The following PKP1 variants were observed in gnomAD, a reference collection of about 807,000 sequenced individuals.
The protein encoded by PKP1 is plakophilin-1.
PKP1 carries 27 observed loss-of-function variants against 76.4 expected under a neutral mutation model. That is an observed-to-expected ratio of 0.35 (90% CI 0.26 to 0.49). The LOEUF (loss-of-function observed/expected upper bound fraction) is 0.49, where lower values mean the gene tolerates loss of function less well. PKP1 is among the 20% of genes least tolerant of loss of function. The pLI, the probability that PKP1 is intolerant of heterozygous loss-of-function variation, is 0.99. For synonymous variants in PKP1, 404 were observed against 384.2 expected, an observed-to-expected ratio of 1.05 and a Z score of -0.60; for missense variants, 964 against 955.2, an observed-to-expected ratio of 1.01 and a Z score of -0.12.
chr1:201,284,421 G>A (rs921244423), intron 1 of PKP1, among the ~76,000 whole-genome samples: 1 of 152,236 alleles, frequency 6.6e-6, no homozygotes, highest in Non-Finnish European at 1.5e-5. Context: ...TCCAGGCCAA[G>A]GGGAACCCCA....
At position 201,315,870 on chromosome 1, in the gene PKP1, G is replaced by C. The variant is rs577334934; in HGVS notation, c.702-683G>C. 6.6e-5 allele frequency among the ~76,000 whole-genome samples: 10 copies of C among 152,196 alleles called. No homozygotes were observed. In the South Asian group the frequency reaches 1.9e-3, roughly 29 times the overall value. ...TTAGAACCACTTATCTAGTAAAAAG[G>C]GTATGAAATTTTAGATGGGGGAACT... On this transcript the variant is annotated intron_variant, in intron 3 of 13. Transcript: ENST00000367324.
chr1:201,304,165 G>A (rs949899140), intron 2 of PKP1, among the ~76,000 whole-genome samples: 4 of 152,186 alleles, frequency 2.6e-5, no homozygotes, highest in Non-Finnish European at 4.4e-5. Flanking sequence ...CCACAGTGCT[G>A]GGATCTGAGT....
chr1:201,293,865 A>C (rs769557052), intron 1 of PKP1, 77 bp from the exon 2 acceptor site: 2 of 943,308 alleles, frequency 2.1e-6, no homozygotes, highest in Non-Finnish European at 3.4e-6. Context: ...ACCTGGATGC[A>C]GAAGTGATGC....
rs752689001 is a variant in PKP1, at chr1:201,322,077, G to C, written c.1447G>C (p.Ala483Pro). The C allele has an allele frequency of 6.2e-7, 1 of 1,613,268 alleles. No homozygotes were observed. Among genetic ancestry groups the C allele is most frequent in the African/African-American group, 1.3e-5 (1 of 74,980 alleles). Reference protein sequence around the residue: ...YRQLEYNARNAYTEKSSTGCF... With the variant: ...YRQLEYNARNPYTEKSSTGCF... ...CCAGCTGGAGTATAACGCCCGCAAC[G>C]CCTACACCGAGAAGTCCTCCACTGG... is the stretch of plus-strand genomic sequence containing the variant. Residue 483 changes from alanine (A) to proline (P), a missense_variant, in exon 8 of 14, where the codon GCC becomes CCC. Coordinates refer to ENST00000367324, the MANE Select transcript of PKP1 (RefSeq NM_001005337.3).
rs1370745383 is a variant in PKP1, at chr1:201,332,728, G to A, written c.*2687G>A. The A allele has an allele frequency of 1.3e-5, 2 of 152,248 alleles. No individual in the cohort carries two copies. Among genetic ancestry groups the A allele is most frequent in the African/African-American group, 2.4e-5 (1 of 41,456 alleles). 9.4% of individuals were successfully genotyped at this position (152,248 alleles called of 1,614,324 possible). The stretch of plus-strand genomic sequence containing the variant: ...CACACTCCTCCTGGGGACCCAAGAG[G>A]CAGTGTTGCTGTCTGCATGTCCACC... On this transcript the variant is annotated 3_prime_UTR_variant, in exon 14 of 14. Transcript: ENST00000367324.
At chr1:201,326,409 C>T (rs1410829905) in intron 12 of PKP1, among the ~76,000 whole-genome samples, 1 of 152,246 alleles carries the variant, frequency 6.6e-6, no homozygotes, top group Non-Finnish European at 1.5e-5. Flanking sequence ...CCCTCCCCAG[C>T]TAGCCAGGTA....
At chr1:201,290,222 T>C (rs1655873428) in intron 1 of PKP1, among the ~76,000 whole-genome samples, 1 of 152,126 alleles carries the variant, frequency 6.6e-6, no homozygotes, top group African/African-American at 2.4e-5. Context: ...ACGAGCTATG[T>C]GGACAGAGCA....
At chr1:201,306,023 G>A (rs984252891) in intron 2 of PKP1, among the ~76,000 whole-genome samples, 4 of 152,188 alleles carry the variant, frequency 2.6e-5, no homozygotes, top group African/African-American at 7.2e-5. Flanking sequence ...CCACCACTCG[G>A]GCTGTGAGAG....
Position 201,316,700 on chromosome 1 carries a change from A to G in PKP1, c.846+3A>G. ...AGGATGAATCTGCCAAGCAACAGGT[A>G]GCTGGTTGCATACCTTCCTCCTTGG... On this transcript the variant is annotated splice_donor_region_variant and intron_variant, in intron 4 of 13. Transcript: ENST00000367324. 6.2e-7 allele frequency: 1 copy of G among 1,613,626 alleles called. No homozygotes were observed. The highest frequency in any genetic ancestry group is 8.5e-7 in the Non-Finnish European group (1 of 1,180,014).
At chr1:201,284,520 G>C (rs1280504102) in intron 1 of PKP1, among the ~76,000 whole-genome samples, 1 of 152,182 alleles carries the variant, frequency 6.6e-6, no homozygotes, top group Non-Finnish European at 1.5e-5. Flanking sequence ...GCTGCGGGAC[G>C]GGAAAGTGGC....
chr1:201,325,674 G>T, intron 11 of PKP1, 80 bp from the exon 12 acceptor site: 1 of 1,071,842 alleles, frequency 9.3e-7, no homozygotes, highest in Non-Finnish European at 1.4e-6. Flanking sequence ...GGCCCTGGCA[G>T]TGGGGGTGGG....
intron 2 of PKP1, among the ~76,000 whole-genome samples, chr1:201,299,736 A>G (rs1656170973): frequency 6.6e-6 from 1 of 152,244 alleles, no homozygotes; most frequent in South Asian, 2.1e-4. Context: ...GGATGAAAAG[A>G]TGGTAGGACT....
intron 1 of PKP1, among the ~76,000 whole-genome samples, chr1:201,288,057 CTTATG>C (rs1475042791): frequency 2.0e-5 from 3 of 152,108 alleles, no homozygotes; most frequent in East Asian, 1.9e-4. Flanking sequence ...CATGCACACA[CTTATG>C]TTATGTGTGT....
Position 201,292,725 on chromosome 1 carries a change from G to A in PKP1, c.203-1217G>A, listed in dbSNP as rs112673948. 2.4e-3 allele frequency among the ~76,000 whole-genome samples: 364 copies of A among 152,312 alleles called. 3 individuals are homozygous for A. The highest frequency in any genetic ancestry group is 8.1e-3 in the African/African-American group (337 of 41,556). On this transcript the variant is annotated intron_variant, in intron 1 of 13. Transcript: ENST00000367324. ...TCCCCACAGACAGGGTTTCCGATGG[G>A]GGAGTCTGACCATCGCTTTAGAGAA...
chr1:201,327,798 A>G (rs1329086452), intron 12 of PKP1, among the ~76,000 whole-genome samples: 1 of 151,816 alleles, frequency 6.6e-6, no homozygotes, highest in African/African-American at 2.4e-5. Flanking sequence ...CACATCCATC[A>G]TGCATTGAGT....
rs567250883 is a variant in PKP1, at chr1:201,328,966, A to G, written c.*32+98A>G. On this transcript the variant is annotated intron_variant, in intron 13 of 13. Coordinates refer to ENST00000367324, the MANE Select transcript of PKP1 (RefSeq NM_001005337.3). ...GCTAGGCCTGTGCTCCCAGGGACAC[A>G]GAAGCATCCTTTTGCCTGGCTCTGG... The G allele has an allele frequency of 3.7e-4, 300 of 813,592 alleles. 6 individuals carry two copies. In the South Asian group the frequency reaches 4.0e-3, roughly 11 times the overall value. 50.4% of individuals were successfully genotyped at this position (813,592 alleles called of 1,614,324 possible).
intron 2 of PKP1, among the ~76,000 whole-genome samples, chr1:201,302,215 G>A (rs1656251001): frequency 6.6e-6 from 1 of 152,214 alleles, no homozygotes. Flanking sequence ...GGTGGACCAA[G>A]CTTTGTTATT....
chr1:201,323,693 G>T (rs1340606429), intron 9 of PKP1, among the ~76,000 whole-genome samples: 1 of 152,184 alleles, frequency 6.6e-6, no homozygotes, highest in Non-Finnish European at 1.5e-5. Flanking sequence ...ATCAAGAAGA[G>T]TTGAGATGGG....
intron 1 of PKP1, among the ~76,000 whole-genome samples, chr1:201,286,600 C>T (rs1447103116): frequency 6.6e-6 from 1 of 152,200 alleles, no homozygotes; most frequent in African/African-American, 2.4e-5. Flanking sequence ...ATCAGACAAG[C>T]ACCTTGCCCT....
Sources: gnomAD v4.1 joint callset for allele counts (sites outside exome capture counted in the v4.1 genomes callset) on GRCh38, gnomAD v4.1.1 for gene constraint, MANE v1.5 for transcripts, NCBI Gene and HGNC (gene_info 2026-07-23, HGNC 2026-07-21) for gene names.